Variants in ARHGAP22 observed in about 807,000 individuals in gnomAD.
ARHGAP22 encodes rho GTPase-activating protein 22.
A neutral mutation model predicts 59.1 loss-of-function variants in ARHGAP22; 48 were observed. The ratio of observed to expected loss-of-function variants is 0.81; its 90% CI spans 0.64 to 1.03. ARHGAP22 has a LOEUF of 1.03. ARHGAP22 is among the 50% of genes least tolerant of loss of function. The pLI is 0.00. For synonymous variants in ARHGAP22, 445 were observed against 416.4 expected (o/e 1.07, Z -0.84); for missense variants, 1,015 against 958.7 (o/e 1.06, Z -0.78).
chr10:48,562,052 C>T (rs2057721322), intron 2 of ARHGAP22, among the ~76,000 whole-genome samples: 1 of 152,118 alleles, frequency 6.6e-6, no homozygotes, highest in Admixed American at 6.5e-5. Context: ...TGGTGAAACC[C>T]TGTCTCTATT....
chr10:48,603,841 G>T (rs1479904826), intron 1 of ARHGAP22, among the ~76,000 whole-genome samples: 2 of 152,216 alleles, frequency 1.3e-5, no homozygotes, highest in Non-Finnish European at 2.9e-5. Context: ...TGTTCCCTGT[G>T]AATCCACAGG....
At chr10:48,498,911 G>C (rs1227861743) in intron 3 of ARHGAP22, among the ~76,000 whole-genome samples, 1 of 151,054 alleles carries the variant, frequency 6.6e-6, no homozygotes, top group Non-Finnish European at 1.5e-5. Flanking sequence ...TAAGACTAGA[G>C]ATGCAGCCAC....
intron 4 of ARHGAP22, among the ~76,000 whole-genome samples, chr10:48,463,487 CT>C (rs1387752143): frequency 6.6e-6 from 1 of 152,210 alleles, no homozygotes; most frequent in African/African-American, 2.4e-5. Context: ...GGCAGTGCCC[CT>C]GGTGCCTGCC....
chr10:48,443,495 C>A (rs184052530), downstream of ARHGAP22, among the ~76,000 whole-genome samples: 14 of 151,994 alleles, frequency 9.2e-5, no homozygotes, highest in African/African-American at 3.4e-4. Flanking sequence ...GAAGTAGTAG[C>A]AATGTGGCTG....
intron 5 of ARHGAP22, among the ~76,000 whole-genome samples, 153 bp downstream of exon 5, chr10:48,459,531 G>C (rs1486889046): frequency 6.6e-6 from 1 of 152,206 alleles, no homozygotes; most frequent in Non-Finnish European, 1.5e-5. Context: ...GGCTGGCGGA[G>C]TGAGGGTGTG....
chr10:48,471,522 C>A (rs1038678953), intron 4 of ARHGAP22, among the ~76,000 whole-genome samples: 9 of 152,316 alleles, frequency 5.9e-5, no homozygotes, highest in Non-Finnish European at 1.3e-4. Context: ...CTCATAGACA[C>A]CTCAAACCTA....
At chr10:48,630,962 G>A (rs1285407902) in intron 1 of ARHGAP22, among the ~76,000 whole-genome samples, 1 of 152,162 alleles carries the variant, frequency 6.6e-6, no homozygotes, top group Non-Finnish European at 1.5e-5. Flanking sequence ...TCTAATTCTA[G>A]TTTGCTAAAA....
intron 3 of ARHGAP22, among the ~76,000 whole-genome samples, chr10:48,514,489 C>T (rs1291621520): frequency 6.6e-6 from 1 of 152,090 alleles, no homozygotes; most frequent in African/African-American, 2.4e-5. Flanking sequence ...ATTCTATATC[C>T]AGCAAAACCA....
At chr10:48,440,502 G>T in the ARHGAP22 span, among the ~76,000 whole-genome samples, 2 of 152,184 alleles carry the variant, frequency 1.3e-5, no homozygotes, top group African/African-American at 4.8e-5. Context: ...CAAAGAAACT[G>T]TGTTTTGACC....
chr10:48,440,318 A>G, the ARHGAP22 span, among the ~76,000 whole-genome samples: 1 of 152,306 alleles, frequency 6.6e-6, no homozygotes, highest in African/African-American at 2.4e-5. Context: ...GTTTCTGTCT[A>G]ACATGTACTT....
At chr10:48,453,628 T>C (rs1292023245) in intron 7 of ARHGAP22, among the ~76,000 whole-genome samples, 1 of 152,166 alleles carries the variant, frequency 6.6e-6, no homozygotes, top group Non-Finnish European at 1.5e-5. Context: ...TAAAAGTCAC[T>C]GGGACAAGGG....
intron 1 of ARHGAP22, among the ~76,000 whole-genome samples, chr10:48,583,744 C>T (rs922181877): frequency 6.6e-6 from 1 of 152,142 alleles, no homozygotes; most frequent in Non-Finnish European, 1.5e-5. Flanking sequence ...CTGGAGGCAT[C>T]CGAGCCCCCA....
the ARHGAP22 span, chr10:48,436,942 A>G: frequency 3.2e-4 from 48 of 152,336 alleles, no homozygotes; most frequent in African/African-American, 1.1e-3. Flanking sequence ...TATTAATTTC[A>G]CAATTAGCTG....
chr10:48,537,263 G>A (rs1168795509), intron 3 of ARHGAP22, among the ~76,000 whole-genome samples: 5 of 152,210 alleles, frequency 3.3e-5, no homozygotes, highest in Admixed American at 6.5e-5. Flanking sequence ...CTTCTCCAGC[G>A]TTATTCCTGC....
chr10:48,521,314 C>A (rs564428435), intron 3 of ARHGAP22, among the ~76,000 whole-genome samples: 1 of 152,322 alleles, frequency 6.6e-6, no homozygotes, highest in South Asian at 2.1e-4. Context: ...TTGCAGCCAG[C>A]AGGAGAGCAA....
upstream of ARHGAP22, among the ~76,000 whole-genome samples, chr10:48,653,817 G>A (rs1313383486): frequency 6.6e-6 from 1 of 152,174 alleles, no homozygotes; most frequent in African/African-American, 2.4e-5. Flanking sequence ...TTCCATTTTC[G>A]AGTGCTTGGA....
chr10:48,647,959 C>A (rs1267412026), intron 1 of ARHGAP22, among the ~76,000 whole-genome samples: 3 of 152,126 alleles, frequency 2.0e-5, no homozygotes, highest in Non-Finnish European at 4.4e-5. Flanking sequence ...GTTTATGCTT[C>A]CGTTTATAGA....
intron 1 of ARHGAP22, among the ~76,000 whole-genome samples, chr10:48,636,328 T>C (rs1589265554): frequency 6.6e-6 from 1 of 152,340 alleles, no homozygotes; most frequent in East Asian, 1.9e-4. Context: ...ATGCTGTCTG[T>C]GTGCCTGTGT....
chr10:48,530,078 T>C lies in ARHGAP22; in HGVS notation c.322+25385A>G, dbSNP rs139848890. Among the ~76,000 whole-genome samples the C allele has an allele frequency of 9.9e-3, 1,509 of 151,800 alleles. 11 individuals carry two copies. The highest frequency in any genetic ancestry group is 0.017 in the Middle Eastern group (5 of 292). ...ATGGTGAAACCGCATCTCTACTAAA[T>C]ATACAAAAATTAGCCAGGCATGGTG... On this transcript the variant is annotated intron_variant, in intron 3 of 9. Coordinates refer to ENST00000249601, the MANE Select transcript of ARHGAP22 (RefSeq NM_021226.4).
Sources: allele counts gnomAD v4.1 joint callset (sites outside exome capture counted in the v4.1 genomes callset), GRCh38; gene constraint gnomAD v4.1.1; transcripts MANE v1.5; gene names NCBI Gene and HGNC (gene_info 2026-07-23, HGNC 2026-07-21).